The following CDH20 variants were observed in gnomAD, a reference collection of about 807,000 sequenced individuals.
CDH20 encodes cadherin-20.
In CDH20, 29 loss-of-function variants were observed where a neutral mutation model predicts 74.2. The observed-to-expected ratio is 0.39, with a 90% CI of 0.29 to 0.53. The LOEUF is 0.53. Ranked by LOEUF, CDH20 falls within the 20% of genes least tolerant of loss-of-function variation. CDH20 has a pLI of 0.69. For missense variants in CDH20, 988 were observed against 1,048.3 expected (o/e 0.94, Z 0.79); for synonymous variants, 469 against 405.4 (o/e 1.16, Z -1.88).
At chr18:61,362,099 C>T (rs1319283156) in intron 1 of CDH20, among the ~76,000 whole-genome samples, 1 of 152,056 alleles carries the variant, frequency 6.6e-6, no homozygotes, top group African/African-American at 2.4e-5. Flanking sequence ...GCCCATAAAC[C>T]CACTTACTCC....
chr18:61,353,797 T>C lies in CDH20; in HGVS notation c.-153+19970T>C, dbSNP rs926234866. Among the ~76,000 whole-genome samples the C allele has an allele frequency of 3.9e-5, 6 of 152,190 alleles. No individual in the cohort carries two copies. The highest frequency in any genetic ancestry group is 5.9e-5 in the Non-Finnish European group (4 of 67,988). On this transcript the variant is annotated intron_variant, in intron 1 of 11. Coordinates refer to ENST00000262717, the MANE Select transcript of CDH20 (RefSeq NM_031891.4). This position sits in a 1 kb window ranked among gnomAD's most constrained non-coding sequence, Gnocchi z 4.6. ...TAAAAGTTAAAAAAAATCTTTCAGT[T>C]CCAGCCAGTCATGGTGGCTCATGCC...
At chr18:61,442,049 G>C (rs1329248184) in intron 1 of CDH20, among the ~76,000 whole-genome samples, 1 of 152,094 alleles carries the variant, frequency 6.6e-6, no homozygotes, top group Admixed American at 6.6e-5. Flanking sequence ...GTAAATAAGT[G>C]AAAACAAGGA....
At chr18:61,342,762 G>T (rs1397942485) in intron 1 of CDH20, among the ~76,000 whole-genome samples, 4 of 152,154 alleles carry the variant, frequency 2.6e-5, no homozygotes, top group African/African-American at 9.7e-5. Flanking sequence ...TTCAATTTAA[G>T]AGTAGGGCAT....
intron 4 of CDH20, among the ~76,000 whole-genome samples, chr18:61,502,355 C>G (rs1208692064): frequency 6.6e-6 from 1 of 151,958 alleles, no homozygotes; most frequent in African/African-American, 2.4e-5. Flanking sequence ...TGTCCTAGCT[C>G]ACAAAATTAA....
chr18:61,497,557 G>A (rs1911216440), intron 2 of CDH20, among the ~76,000 whole-genome samples: 1 of 152,146 alleles, frequency 6.6e-6, no homozygotes, highest in Non-Finnish European at 1.5e-5. Context: ...GAGAAGAGCT[G>A]AGTGTGCTAA....
intron 1 of CDH20, among the ~76,000 whole-genome samples, chr18:61,398,194 A>G (rs1048615567): frequency 1.3e-5 from 2 of 152,172 alleles, no homozygotes; most frequent in Non-Finnish European, 2.9e-5. Context: ...ACGGGTCACT[A>G]TTTGTCTGTC....
chr18:61,526,120 A>C (rs1227739648), intron 6 of CDH20, among the ~76,000 whole-genome samples: 27 of 106,682 alleles, frequency 2.5e-4, no homozygotes, highest in Non-Finnish European at 4.8e-4. Flanking sequence ...CAAAAAGTTG[A>C]CTTTTTTTTT....
At chr18:61,439,614 C>G (rs929495582) in intron 1 of CDH20, among the ~76,000 whole-genome samples, 2 of 152,080 alleles carry the variant, frequency 1.3e-5, no homozygotes, top group African/African-American at 2.4e-5. Context: ...ATTTTCAATT[C>G]AGACTAAAAA....
At chr18:61,412,525 G>A (rs1912548476) in intron 1 of CDH20, among the ~76,000 whole-genome samples, 1 of 151,968 alleles carries the variant, frequency 6.6e-6, no homozygotes, top group Admixed American at 6.6e-5. Context: ...ATTATAACAG[G>A]TTTGTTTATA....
chr18:61,450,066 G>A (rs1458526229), intron 1 of CDH20, among the ~76,000 whole-genome samples: 2 of 152,104 alleles, frequency 1.3e-5, no homozygotes, highest in East Asian at 1.9e-4. Context: ...TTTAGTAGCA[G>A]CAGCAGCAGC....
intron 1 of CDH20, among the ~76,000 whole-genome samples, chr18:61,431,290 G>A (rs1241526459): frequency 1.3e-5 from 2 of 152,116 alleles, no homozygotes; most frequent in Non-Finnish European, 2.9e-5. Context: ...CAAAGACAAT[G>A]AAAGTCTGAG....
intron 1 of CDH20, among the ~76,000 whole-genome samples, chr18:61,417,648 G>T (rs1182335237): frequency 6.8e-6 from 1 of 146,350 alleles, no homozygotes; most frequent in East Asian, 2.2e-4. Context: ...GTTACCAGAG[G>T]CTGGGAAGGG....
At position 61,460,150 on chromosome 18, in the gene CDH20, G is replaced by A. The variant is rs114286510; in HGVS notation, c.-152-30252G>A. Among the ~76,000 whole-genome samples, 326 of 152,228 alleles carry A rather than the reference G, an allele frequency of 2.1e-3. 2 individuals carry two copies. Among genetic ancestry groups the A allele is most frequent in the African/African-American group, 7.5e-3 (312 of 41,540 alleles). On this transcript the variant is annotated intron_variant, in intron 1 of 11. Transcript: ENST00000262717. ...TCCAGATGCTTTCAATTTGGCAGGCGGGAAGCAAGTTTTGCATAGAGACTG... is the reference window on the plus strand; with the variant it reads ...TCCAGATGCTTTCAATTTGGCAGGCAGGAAGCAAGTTTTGCATAGAGACTG...
intron 1 of CDH20, among the ~76,000 whole-genome samples, chr18:61,437,334 G>T (rs1022332537): frequency 1.1e-4 from 16 of 152,182 alleles, no homozygotes; most frequent in African/African-American, 1.2e-4. Context: ...TTTGTGAGCT[G>T]CCATGTTCAT....
intron 1 of CDH20, among the ~76,000 whole-genome samples, chr18:61,456,389 C>A (rs898461383): frequency 3.3e-5 from 5 of 152,142 alleles, no homozygotes; most frequent in Non-Finnish European, 5.9e-5. Context: ...GGTAAGACCA[C>A]AAGATGATGT....
chr18:61,444,764 A>G (rs1380533967), intron 1 of CDH20, among the ~76,000 whole-genome samples: 3 of 152,138 alleles, frequency 2.0e-5, no homozygotes, highest in African/African-American at 4.8e-5. Context: ...AAATTCCTCA[A>G]AATAATCCTG....
intron 11 of CDH20, among the ~76,000 whole-genome samples, chr18:61,552,581 G>A (rs541649603): frequency 1.3e-5 from 2 of 152,158 alleles, no homozygotes; most frequent in Admixed American, 1.3e-4. Context: ...CCTCTGTGAA[G>A]CCCTACCCAG....
chr18:61,439,687 A>C (rs1908962276), intron 1 of CDH20, among the ~76,000 whole-genome samples: 1 of 152,118 alleles, frequency 6.6e-6, no homozygotes, highest in African/African-American at 2.4e-5. Flanking sequence ...CTGGCTCTAC[A>C]ATTTTTTAGA....
chr18:61,536,149 T>C (rs17749239), intron 7 of CDH20, among the ~76,000 whole-genome samples: 5,724 of 152,256 alleles, frequency 0.038, 139 homozygotes, highest in Middle Eastern at 0.065. Flanking sequence ...TAAACAAATA[T>C]ATACAGGACT....
Sources: gnomAD v4.1 joint callset for allele counts (sites outside exome capture counted in the v4.1 genomes callset) on GRCh38, gnomAD v4.1.1 for gene constraint, Gnocchi (gnomAD v3.1) non-coding constraint, MANE v1.5 for transcripts, NCBI Gene and HGNC (gene_info 2026-07-23, HGNC 2026-07-21) for gene names.